The following POLQ variants were observed in gnomAD, a reference collection of about 807,000 sequenced individuals.
The protein encoded by POLQ is DNA polymerase theta, also known as epididymis secretory sperm binding protein.
A neutral mutation model predicts 259.2 loss-of-function variants in POLQ; 233 were observed. That is an observed-to-expected ratio of 0.90 (90% CI 0.81 to 1.00). POLQ has a LOEUF of 1.00. Ranked by LOEUF, POLQ falls within the 50% of genes least tolerant of loss-of-function variation. The pLI is 0.00. For synonymous variants in POLQ, 1,025 were observed against 1,048.8 expected, an observed-to-expected ratio of 0.98 and a Z score of 0.44; for missense variants, 2,871 against 3,051.6, an observed-to-expected ratio of 0.94 and a Z score of 1.39.
chr3:121,539,539 G>C lies in POLQ; in HGVS notation c.525C>G (p.Thr175=). Residue 175 remains threonine, a synonymous_variant, in exon 4 of 30, where the codon ACC becomes ACG. Transcript: ENST00000264233. Reference sequence around the variant, plus strand: ...ATGAAGAGAAATGCCTTGATGGAGAGGTGCTGCCCATATAACCGTCTACTT... The same window carrying C: ...ATGAAGAGAAATGCCTTGATGGAGACGTGCTGCCCATATAACCGTCTACTT... ...GIKVDGYMGS[T]SPSRHFSSLD... The C allele has an allele frequency of 6.2e-7, 1 of 1,612,232 alleles. No individual in the cohort carries two copies. The highest frequency in any genetic ancestry group is 8.5e-7 in the Non-Finnish European group (1 of 1,178,324).
chr3:121,489,584 A>G lies in POLQ; in HGVS notation c.3347T>C (p.Leu1116Ser), dbSNP rs1425838870. The G allele has an allele frequency of 1.9e-5, 31 of 1,613,016 alleles. No homozygotes were observed. Among genetic ancestry groups the G allele is most frequent in the Non-Finnish European group, 2.5e-5 (30 of 1,179,510 alleles). ...KEKDNKTSFPLQIKQNCSWNI... is the reference protein window; with the variant it reads ...KEKDNKTSFPSQIKQNCSWNI... ...CCATGAACAATTTTGCTTTATTTGTAATGGGAATGATGTTTTATTATCTTT... is the reference window on the plus strand; with the variant it reads ...CCATGAACAATTTTGCTTTATTTGTGATGGGAATGATGTTTTATTATCTTT... Residue 1116 changes from leucine to serine, a missense_variant, in exon 16 of 30, where the codon TTA (leucine) becomes TCA (serine). This residue lies in a region of POLQ where 2,080 missense variants were observed against 2,126.0 expected (regional missense o/e 0.98). Transcript: ENST00000264233.
In POLQ at chr3:121,516,024, G is replaced by A. The variant is rs368120679; in HGVS notation, c.1468+3847C>T. On this transcript the variant is annotated intron_variant, in intron 9 of 29. Transcript: ENST00000264233. ...AAATCTTAGAGATGAAGAGTACAATGAGTGAACTGAAAAATGCAATCAAAG... is the reference window on the plus strand; with the variant it reads ...AAATCTTAGAGATGAAGAGTACAATAAGTGAACTGAAAAATGCAATCAAAG... 1.2e-4 allele frequency among the ~76,000 whole-genome samples: 19 copies of A among 152,062 alleles called. No homozygotes were observed. The South Asian group carries it at 2.9e-3, about 23-fold the overall frequency.
chr3:121,444,575 A>C (rs1434183926), intron 26 of POLQ, among the ~76,000 whole-genome samples: 2 of 152,142 alleles, frequency 1.3e-5, no homozygotes, highest in African/African-American at 2.4e-5. Flanking sequence ...TCCAGTGTGG[A>C]TGTCCTTTAT....
At chr3:121,492,816 T>C (rs1476921339) in intron 15 of POLQ, among the ~76,000 whole-genome samples, 1 of 150,472 alleles carries the variant, frequency 6.6e-6, no homozygotes, top group African/African-American at 2.4e-5. Flanking sequence ...TTTTTTTTTT[T>C]TTTTCAGTTT....
chr3:121,531,929 C>A lies in POLQ; in HGVS notation c.960+1061G>T, dbSNP rs138445362. Among the ~76,000 whole-genome samples, 1,449 of 152,282 alleles carry A rather than the reference C, an allele frequency of 9.5e-3. 7 individuals carry two copies. The highest frequency in any genetic ancestry group is 0.02 in the Middle Eastern group (6 of 294). On this transcript the variant is annotated intron_variant, in intron 6 of 29. Transcript: ENST00000264233. ...TAGTGAAACACATGAATTTCCAATT[C>A]TATTTCCAATTCTAAAATGACCCTT...
Position 121,467,587 on chromosome 3 carries a change from T to A in POLQ, c.6899A>T (p.Glu2300Val). 1 of 1,613,798 alleles carries A rather than the reference T, an allele frequency of 6.2e-7. No homozygotes were observed. The highest frequency in any genetic ancestry group is 8.5e-7 in the Non-Finnish European group (1 of 1,179,688). Reference protein sequence around the residue: ...SVNPRCQAQMEERAADRGMPF... With the variant: ...SVNPRCQAQMVERAADRGMPF... The stretch of plus-strand genomic sequence containing the variant: ...CATTCCTCTGTCTGCAGCTCTCTCC[T>A]CCATCTGTGCCTGGCATCTAGGATT... Residue 2300 changes from glutamate to valine, a missense_variant, in exon 24 of 30, where the codon GAG becomes GTG. Around this residue, in one of 3 missense-constraint regions of POLQ, gnomAD observed 2,080 missense variants for 2,126.0 expected, o/e 0.98. Transcript: ENST00000264233.
At chr3:121,457,082 T>A (rs1458783627) in intron 25 of POLQ, among the ~76,000 whole-genome samples, 2 of 152,112 alleles carry the variant, frequency 1.3e-5, no homozygotes, top group African/African-American at 2.4e-5. Flanking sequence ...TAACGCCGCA[T>A]ATCTACAACT....
At position 121,545,805 on chromosome 3, in the gene POLQ, C is replaced by A; in HGVS notation, c.73G>T (p.Gly25Cys). 1.9e-6 allele frequency: 3 copies of A among 1,613,154 alleles called. No homozygotes were observed. Among genetic ancestry groups the A allele is most frequent in the Non-Finnish European group, 2.5e-6 (3 of 1,179,704 alleles). ...AACTGGGGGCTGGCACTGCTGTCACCGCCGCTTCCCGAGAACGAATCTGAG... is the reference window on the plus strand; with the variant it reads ...AACTGGGGGCTGGCACTGCTGTCACAGCCGCTTCCCGAGAACGAATCTGAG... ...SGSDSFSGSG[G>C]DSSASPQFLS... Residue 25 changes from glycine to cysteine, a missense_variant, in exon 1 of 30, where the codon GGT (glycine) becomes TGT (cysteine). Gly to Cys is a radical substitution (Grantham distance 159). This residue lies in a region of POLQ where 783 missense variants were observed against 906.2 expected (regional missense o/e 0.86). Coordinates refer to ENST00000264233, the MANE Select transcript of POLQ (RefSeq NM_199420.4).
chr3:121,440,412 C>A lies in POLQ; in HGVS notation c.7265-296G>T, dbSNP rs183387740. ...GCAGTGGTGCTATCATGGTTCACTGCAGCCTGGATCTCCCCAGGCTCAGGA... is the reference window on the plus strand; with the variant it reads ...GCAGTGGTGCTATCATGGTTCACTGAAGCCTGGATCTCCCCAGGCTCAGGA... On this transcript the variant is annotated intron_variant, in intron 26 of 29. Coordinates refer to ENST00000264233, the MANE Select transcript of POLQ (RefSeq NM_199420.4). Among the ~76,000 whole-genome samples, 324 of 152,284 alleles carry A rather than the reference C, an allele frequency of 2.1e-3. 6 individuals are homozygous for A. Among genetic ancestry groups the A allele is most frequent in the Admixed American group, 0.018 (276 of 15,304 alleles).
In POLQ at chr3:121,454,193, G is replaced by C. The variant is rs559048653; in HGVS notation, c.7153-4767C>G. Among the ~76,000 whole-genome samples the C allele has an allele frequency of 2.6e-5, 4 of 152,248 alleles. No individual in the cohort carries two copies. In the South Asian group the frequency reaches 8.3e-4, roughly 32 times the overall value. The stretch of plus-strand genomic sequence containing the variant: ...AGACAAGCAAATGCTGAGAGATTTT[G>C]TCACCACCTGGCCAGCCCTAAAAGA... On this transcript the variant is annotated intron_variant, in intron 25 of 29. Coordinates refer to ENST00000264233, the MANE Select transcript of POLQ (RefSeq NM_199420.4).
At chr3:121,515,081 G>A (rs2048285321) in intron 9 of POLQ, among the ~76,000 whole-genome samples, 1 of 152,180 alleles carries the variant, frequency 6.6e-6, no homozygotes, top group African/African-American at 2.4e-5. Flanking sequence ...TCTGCCAAGG[G>A]TGGAAGTTTA....
At chr3:121,479,316 A>G (rs1014790945) in intron 19 of POLQ, among the ~76,000 whole-genome samples, 1 of 151,068 alleles carries the variant, frequency 6.6e-6, no homozygotes, top group Non-Finnish European at 1.5e-5. Flanking sequence ...GTTTGAGACC[A>G]GCCTGGGCAA....
intron 15 of POLQ, 104 bp downstream of exon 15, chr3:121,493,374 A>G: frequency 2.4e-6 from 2 of 836,250 alleles, no homozygotes; most frequent in Non-Finnish European, 3.6e-6. Flanking sequence ...AGTATATAAT[A>G]AGATTATTTA....
chr3:121,490,079 T>C lies in POLQ; in HGVS notation c.2852A>G (p.His951Arg). The C allele has an allele frequency of 6.3e-7, 1 of 1,584,912 alleles. No homozygotes were observed. The highest frequency in any genetic ancestry group is 8.6e-7 in the Non-Finnish European group (1 of 1,164,562). ...NTIFSDSYIK[H>R]SPNIVQDLNK... ...TAAGTCTTGCACTATATTTGGTGAA[T>C]GCTTAATATAAGAATCACTAAATAT... Residue 951 changes from histidine (H) to arginine (R), a missense_variant, in exon 16 of 30, where the codon CAT (histidine) becomes CGT (arginine). By Grantham distance (29) the His-to-Arg change is conservative. This residue lies in a region of POLQ where 2,080 missense variants were observed against 2,126.0 expected (regional missense o/e 0.98). Transcript: ENST00000264233.
In POLQ at chr3:121,488,334, T is replaced by G. The variant is rs1256552578; in HGVS notation, c.4597A>C (p.Ile1533Leu). 1 of 1,612,992 alleles carries G rather than the reference T, an allele frequency of 6.2e-7. No individual in the cohort carries two copies. The highest frequency in any genetic ancestry group is 2.2e-5 in the East Asian group (1 of 44,848). ...SDSLCLQEDL[I>L]KKSNVNENQD... ...TTCTCATTTACATTTGATTTTTTAA[T>G]TAGGTCTTCTTGTAGACACAGAGAA... Residue 1533 changes from isoleucine (I) to leucine (L), a missense_variant, in exon 16 of 30, where the codon ATT becomes CTT. This residue lies in a region of POLQ where 2,080 missense variants were observed against 2,126.0 expected (regional missense o/e 0.98). Coordinates refer to ENST00000264233, the MANE Select transcript of POLQ (RefSeq NM_199420.4).
In POLQ at chr3:121,536,515, A is replaced by G. The variant is rs529244913; in HGVS notation, c.740+585T>C. On this transcript the variant is annotated intron_variant, in intron 5 of 29. Transcript: ENST00000264233. ...TCAAAATTAGCCTGACTACTTATAT[A>G]TATATAGATGACAAATACAGAAACT... Among the ~76,000 whole-genome samples, 23 of 152,326 alleles carry G rather than the reference A, an allele frequency of 1.5e-4. No individual in the cohort carries two copies. The South Asian group carries it at 4.3e-3, about 29-fold the overall frequency.
intron 2 of POLQ, among the ~76,000 whole-genome samples, chr3:121,541,870 A>T (rs184454086): frequency 6.6e-6 from 1 of 152,310 alleles, no homozygotes; most frequent in Non-Finnish European, 1.5e-5. Context: ...CATGCCTGTA[A>T]TCCCAGCATT....
intron 12 of POLQ, among the ~76,000 whole-genome samples, chr3:121,507,486 G>A (rs1314585831): frequency 6.6e-6 from 1 of 152,116 alleles, no homozygotes; most frequent in African/African-American, 2.4e-5. Context: ...CAGCACTTTG[G>A]GAGGCCGAGG....
chr3:121,507,022 A>T (rs1205781675), intron 12 of POLQ, among the ~76,000 whole-genome samples: 1 of 152,200 alleles, frequency 6.6e-6, no homozygotes, highest in African/African-American at 2.4e-5. Flanking sequence ...CCCTCTGTAT[A>T]AAAAAGGTGA....
Sources: allele counts gnomAD v4.1 joint callset (sites outside exome capture counted in the v4.1 genomes callset), GRCh38; gene constraint gnomAD v4.1.1; regional missense constraint gnomAD v4.1.1; transcripts MANE v1.5; gene names NCBI Gene and HGNC (gene_info 2026-07-23, HGNC 2026-07-21).